Variants in MERTK observed in about 807,000 individuals in gnomAD.
MERTK encodes the protein MER proto-oncogene, tyrosine kinase, also known as tyrosine-protein kinase Mer.
Under a neutral mutation model 99.3 loss-of-function variants are expected in MERTK, and 69 were observed. The observed-to-expected ratio is 0.70, with a 90% confidence interval of 0.57 to 0.85. The LOEUF is 0.85. MERTK is among the 40% of genes least tolerant of loss of function. The pLI is 0.00. For synonymous variants in MERTK, 426 were observed against 467.6 expected, an observed-to-expected ratio of 0.91 and a Z score of 1.15; for missense variants, 1,125 against 1,249.4, an observed-to-expected ratio of 0.90 and a Z score of 1.50.
chr2:111,932,625 A>G (rs1310565008), intron 2 of MERTK, among the ~76,000 whole-genome samples: 1 of 152,238 alleles, frequency 6.6e-6, no homozygotes, highest in Non-Finnish European at 1.5e-5. Flanking sequence ...TGTAAGAGTT[A>G]AAGAAAGAGG....
At chr2:112,000,101 A>C (rs558639753) in intron 10 of MERTK, among the ~76,000 whole-genome samples, 32 of 152,314 alleles carry the variant, frequency 2.1e-4, no homozygotes, top group African/African-American at 6.3e-4. Context: ...GGCAGGAACA[A>C]ATCACAATGG....
intron 15 of MERTK, among the ~76,000 whole-genome samples, chr2:112,013,869 G>T (rs564983768): frequency 3.0e-4 from 46 of 151,436 alleles, no homozygotes; most frequent in Admixed American, 3.0e-3. Flanking sequence ...GGGTGGTGGC[G>T]GGGGGATGGA....
chr2:111,978,966 C>T (rs1676312745), intron 7 of MERTK, among the ~76,000 whole-genome samples: 1 of 152,144 alleles, frequency 6.6e-6, no homozygotes, highest in African/African-American at 2.4e-5. Flanking sequence ...TTCTGTGTGC[C>T]CTACTCAGTG....
At position 111,929,380 on chromosome 2, in the gene MERTK, C is replaced by T. The variant is rs938838433; in HGVS notation, c.322C>T (p.His108Tyr). 1.9e-6 allele frequency: 3 copies of T among 1,614,112 alleles called. No individual in the cohort carries two copies. The Admixed American group carries it at 5.0e-5, about 27-fold the overall frequency. The change falls in exon 2 of 19, where the codon CAT (histidine) becomes TAT (tyrosine). Residue 108 changes from histidine to tyrosine, a missense_variant. His to Tyr is a moderately conservative substitution (Grantham distance 83, BLOSUM62 2). Transcript: ENST00000295408. ...HTVGHIILSE[H>Y]KGVKFNCSIS... ...AGTTGGACACATAATACTTTCTGAA[C>T]ATAAAGGTGTCAAATTTAATTGCTC...
At chr2:111,906,630 C>T (rs573426242) in intron 1 of MERTK, among the ~76,000 whole-genome samples, 77 of 152,326 alleles carry the variant, frequency 5.1e-4, no homozygotes, top group Non-Finnish European at 7.1e-4. Flanking sequence ...TTCCAATTAA[C>T]GGCAGGCTGC....
At chr2:111,991,344 G>A (rs955250066) in intron 8 of MERTK, among the ~76,000 whole-genome samples, 1 of 152,074 alleles carries the variant, frequency 6.6e-6, no homozygotes, top group African/African-American at 2.4e-5. Context: ...TCCTGTCTCA[G>A]CCACCCGAGT....
chr2:111,974,793 GAAAGAAAAGA>G (rs1231960779), intron 6 of MERTK, among the ~76,000 whole-genome samples: 161 of 107,764 alleles, frequency 1.5e-3, no homozygotes, highest in Non-Finnish European at 1.9e-3. Flanking sequence ...AAAAAAAAAA[GAAAGAAAAGA>G]AAAGAAAAGA....
Position 111,931,154 on chromosome 2 carries a change from C to G in MERTK, c.482+1614C>G, listed in dbSNP as rs550245571. Among the ~76,000 whole-genome samples, 12 of 152,208 alleles carry G rather than the reference C, an allele frequency of 7.9e-5. 1 individual carries two copies. The highest frequency in any genetic ancestry group is 2.7e-4 in the African/African-American group (11 of 41,476). On this transcript the variant is annotated intron_variant, in intron 2 of 18. Transcript: ENST00000295408. ...AAACCACCTCACAATTACCACAGAC[C>G]TAACTACTCAGGTTAGTGTGCCAAC...
intron 2 of MERTK, among the ~76,000 whole-genome samples, chr2:111,944,459 A>AAGG (rs2104701728): frequency 0.021 from 2 of 96 alleles, no homozygotes; most frequent in Admixed American, 0.17. Context: ...TTAGTTCCTT[A>AAGG]AATTAACTCC....
rs786205534 is a variant in MERTK, at chr2:111,997,478, T to G, written c.1604+2T>G. Reference sequence around the variant, plus strand: ...AAGAGTCCAGGAGACAAAGTTTGGGTAAGTCTCCCAGCTAAAAATGTTTGC... The same window carrying G: ...AAGAGTCCAGGAGACAAAGTTTGGGGAAGTCTCCCAGCTAAAAATGTTTGC... On this transcript the variant is annotated splice_donor_variant, in intron 10 of 18. Transcript: ENST00000295408. LOFTEE classifies it high-confidence loss of function. 6.2e-7 allele frequency: 1 copy of G among 1,613,592 alleles called. No homozygotes were observed.
chr2:111,939,345 C>A (rs754339074), intron 2 of MERTK, among the ~76,000 whole-genome samples: 1 of 152,046 alleles, frequency 6.6e-6, no homozygotes, highest in Non-Finnish European at 1.5e-5. Context: ...TTAATCCATT[C>A]ATGAGGGCAG....
chr2:111,941,043 C>T (rs1369574209), intron 2 of MERTK: 10 of 512,772 alleles, frequency 2.0e-5, no homozygotes, highest in Admixed American at 5.8e-5. Flanking sequence ...ACATGCTCCC[C>T]GCTTCTCACT....
rs778383770 is a variant in MERTK at position 112,021,535 on chromosome 2, C to T, written c.2303C>T (p.Ala768Val). ...RIAKMPVKWI[A>V]IESLADRVYT... ...GCTAAGATGCCTGTTAAATGGATCG[C>T]CATAGAAAGTCTTGCAGACCGAGTC... is the stretch of plus-strand genomic sequence containing the variant. Residue 768 changes from alanine to valine, a missense_variant, in exon 17 of 19, where the codon GCC becomes GTC. Coordinates refer to ENST00000295408, the MANE Select transcript of MERTK (RefSeq NM_006343.3). 1 of 1,436,152 alleles carries T rather than the reference C, an allele frequency of 7.0e-7. No homozygotes were observed. Among genetic ancestry groups the T allele is most frequent in the African/African-American group, 1.7e-5 (1 of 57,468 alleles). 89.0% of individuals were successfully genotyped at this position (1,436,152 alleles called of 1,614,324 possible). A position where few individuals can be genotyped will look rare whatever the true frequency, so the allele number is the denominator to read the frequency against.
rs563956295 is a variant in MERTK, at chr2:112,018,097, G to T, written c.2080-1316G>T. 2.6e-5 allele frequency among the ~76,000 whole-genome samples: 4 copies of T among 152,230 alleles called. No individual in the cohort carries two copies. In the South Asian group the frequency reaches 8.3e-4, roughly 32 times the overall value. On this transcript the variant is annotated intron_variant, in intron 15 of 18. Coordinates refer to ENST00000295408, the MANE Select transcript of MERTK (RefSeq NM_006343.3). The stretch of plus-strand genomic sequence containing the variant: ...CAAGAAGAAGGAGGAGGAGAAGAAA[G>T]AATTTTCTTAATTTCATTTTCAGAT...
At chr2:111,973,218 G>A (rs555660965) in intron 6 of MERTK, among the ~76,000 whole-genome samples, 1 of 152,118 alleles carries the variant, frequency 6.6e-6, no homozygotes, top group Admixed American at 6.5e-5. Context: ...GCCTGGAAGT[G>A]CTCCCCACAT....
chr2:111,975,239 A>G (rs764095668), intron 6 of MERTK, 50 bp from the exon 7 acceptor site: 1 of 1,595,264 alleles, frequency 6.3e-7, no homozygotes, highest in Non-Finnish European at 8.6e-7. Flanking sequence ...CGTGCCTGAC[A>G]TTCCCACCAC....
Position 111,993,957 on chromosome 2 carries a change from G to A in MERTK, c.1297-294G>A, listed in dbSNP as rs77226570. Among the ~76,000 whole-genome samples the A allele has an allele frequency of 0.24, 36,354 of 152,124 alleles. 4,678 individuals are homozygous for A. The highest frequency in any genetic ancestry group is 0.32 in the South Asian group (1,565 of 4,824). On this transcript the variant is annotated intron_variant, in intron 8 of 18. Transcript: ENST00000295408. ...AGGAGTCAGGCTTGCTCTGCCGTCCGGGTGCATCTGCTACGTGCTCCCTCT... is the reference window on the plus strand; with the variant it reads ...AGGAGTCAGGCTTGCTCTGCCGTCCAGGTGCATCTGCTACGTGCTCCCTCT...
Position 111,975,436 on chromosome 2 carries a change from G to T in MERTK, c.1108G>T (p.Val370Leu). The T allele has an allele frequency of 1.2e-6, 2 of 1,614,198 alleles. No homozygotes were observed. Among genetic ancestry groups the T allele is most frequent in the Non-Finnish European group, 1.7e-6 (2 of 1,180,030 alleles). ...CATGAATGAAATAGGCTGGTCTGCA[G>T]TGAGCCCTTGGATTCTAGCCAGCAC... ...SCMNEIGWSA[V>L]SPWILASTTE... Residue 370 changes from valine (V) to leucine (L), a missense_variant, in exon 7 of 19, where the codon GTG becomes TTG. Physicochemically the swap from Val to Leu is conservative, Grantham distance 32 (BLOSUM62 1). Transcript: ENST00000295408.
chr2:111,974,067 G>A (rs1477070248), intron 6 of MERTK, among the ~76,000 whole-genome samples: 3 of 150,126 alleles, frequency 2.0e-5, no homozygotes, highest in Admixed American at 6.7e-5. Flanking sequence ...TGTTGGGGTC[G>A]AAGGGGTTAA....
Sources: allele counts gnomAD v4.1 joint callset (sites outside exome capture counted in the v4.1 genomes callset), GRCh38; gene constraint gnomAD v4.1.1; transcripts MANE v1.5; gene names NCBI Gene and HGNC (gene_info 2026-07-23, HGNC 2026-07-21).